Variants in CHPT1 observed in about 807,000 individuals in gnomAD.
CHPT1 encodes cholinephosphotransferase 1.
Under a neutral mutation model 47.6 loss-of-function variants are expected in CHPT1, and 36 were observed. The ratio of observed to expected loss-of-function variants is 0.76; its 90% CI spans 0.58 to 1.00. The LOEUF is 1.00. Ranked by LOEUF, CHPT1 falls within the 50% of genes least tolerant of loss-of-function variation. The probability of loss-of-function intolerance (pLI) is 0.00; values close to 1 mark genes in which losing one functional copy is unlikely to be tolerated. For missense variants in CHPT1, 458 were observed against 498.1 expected (o/e 0.92, Z 0.77); for synonymous variants, 194 against 186.3 (o/e 1.04, Z -0.33).
At position 101,723,229 on chromosome 12, in the gene CHPT1, T is replaced by G; in HGVS notation, c.842T>G (p.Ile281Ser). The G allele has an allele frequency of 3.7e-6, 6 of 1,611,966 alleles. No homozygotes were observed. The highest frequency in any genetic ancestry group is 5.1e-6 in the Non-Finnish European group (6 of 1,178,142). ...IGLIIILAIM[I>S]YKKSATDVFE... ...CTAATTATTATACTGGCAATAATGA[T>G]CTATAAAAAGTCAGCAACTGATGTG... Residue 281 changes from isoleucine to serine, a missense_variant, in exon 6 of 9, where the codon ATC (isoleucine) becomes AGC (serine). Physicochemically the swap from Ile to Ser is moderately radical, Grantham distance 142. Transcript: ENST00000229266.
Position 101,697,852 on chromosome 12 carries a change from T to A in CHPT1, c.-10T>A, listed in dbSNP as rs1445401899. ...GCGCTCGGTGGCGGCGGCGGGGCCC[T>A]CAGGCGGCCATGGCGGCAGGCGCCG... On this transcript the variant is annotated 5_prime_UTR_variant, in exon 1 of 9. Transcript: ENST00000229266. 9.0e-7 allele frequency: 1 copy of A among 1,116,538 alleles called. No individual in the cohort carries two copies. Among genetic ancestry groups the A allele is most frequent in the Non-Finnish European group, 1.1e-6 (1 of 909,848 alleles). 69.2% of individuals were successfully genotyped at this position (1,116,538 alleles called of 1,614,324 possible).
intron 1 of CHPT1, among the ~76,000 whole-genome samples, chr12:101,698,345 G>A (rs1951497103): frequency 6.6e-6 from 1 of 152,188 alleles, no homozygotes; most frequent in African/African-American, 2.4e-5. Flanking sequence ...AGCCTCCCCT[G>A]GGCAGCGGAG....
At chr12:101,701,237 T>G (rs540364855) in intron 1 of CHPT1, among the ~76,000 whole-genome samples, 3 of 152,204 alleles carry the variant, frequency 2.0e-5, no homozygotes, top group Non-Finnish European at 4.4e-5. Flanking sequence ...TCCCTCTCTT[T>G]TCCCCTTCCT....
At position 101,720,261 on chromosome 12, in the gene CHPT1, CAAT is replaced by C. The variant is rs768344938; in HGVS notation, c.780+11_780+13del. ...GAATGGATCCACTATAGCAGTAAGGCAATAATTTCATCATTCAGTGTCAATTTT... is the reference window on the plus strand; with the variant it reads ...GAATGGATCCACTATAGCAGTAAGGCAATTTCATCATTCAGTGTCAATTTT... On this transcript the variant is annotated splice_region_variant and intron_variant, in intron 5 of 8. Transcript: ENST00000229266. 2 of 1,583,576 alleles carry C rather than the reference CAAT, an allele frequency of 1.3e-6. No individual in the cohort carries two copies. The highest frequency in any genetic ancestry group is 2.4e-5 in the South Asian group (2 of 84,530).
At position 101,728,967 on chromosome 12, in the gene CHPT1, ATCTCTTGC is replaced by A; in HGVS notation, c.*24_*31del. ...TTGAAGAGACTTCCGAACACTTGCT[ATCTCTTGC>A]TGCTGCTGTTTCATGGAAGGAGATA... is the stretch of plus-strand genomic sequence containing the variant. On this transcript the variant is annotated 3_prime_UTR_variant, in exon 9 of 9. Transcript: ENST00000229266. 1 of 1,613,566 alleles carries A rather than the reference ATCTCTTGC, an allele frequency of 6.2e-7. No individual in the cohort carries two copies. The highest frequency in any genetic ancestry group is 8.5e-7 in the Non-Finnish European group (1 of 1,179,694).
intron 1 of CHPT1, among the ~76,000 whole-genome samples, chr12:101,704,450 G>C (rs1375688741): frequency 6.8e-6 from 1 of 146,726 alleles, no homozygotes; most frequent in East Asian, 2.0e-4. Context: ...TGCCCAGGCT[G>C]GAGTGCAGTG....
At chr12:101,714,336 A>G (rs1248391759) in intron 2 of CHPT1, 99 bp downstream of exon 2, 2 of 1,222,108 alleles carry the variant, frequency 1.6e-6, no homozygotes, top group Admixed American at 5.0e-5. Context: ...TTTGGGAGCA[A>G]ATGTATGGAG....
At position 101,728,689 on chromosome 12, in the gene CHPT1, A is replaced by T. The variant is rs1191379211; in HGVS notation, c.1177-212A>T. 3 of 537,254 alleles carry T rather than the reference A, an allele frequency of 5.6e-6. No individual in the cohort carries two copies. The African/African-American group carries it at 5.7e-5, about 10-fold the overall frequency. The allele number at this position is 537,254 out of a possible 1,614,324, so 33.3% of individuals were successfully genotyped here. On this transcript the variant is annotated intron_variant, in intron 8 of 8. Coordinates refer to ENST00000229266, the MANE Select transcript of CHPT1 (RefSeq NM_020244.3). ...TTATTTAATTGACAGTGTTAGAGAG[A>T]AAAATTCACTATCATTACTAAAGAG...
chr12:101,706,123 G>C (rs888492762), intron 1 of CHPT1, among the ~76,000 whole-genome samples: 1 of 151,920 alleles, frequency 6.6e-6, no homozygotes, highest in African/African-American at 2.4e-5. Context: ...AGGCCTAGGT[G>C]GGTGGATCTC....
chr12:101,702,650 T>C (rs892478655), intron 1 of CHPT1, among the ~76,000 whole-genome samples: 4 of 152,128 alleles, frequency 2.6e-5, no homozygotes, highest in Admixed American at 1.3e-4. Context: ...CAGACTTTTT[T>C]TTATAGGTTT....
chr12:101,714,458 A>AAATTATTTTT, intron 2 of CHPT1, 46 bp from the exon 3 acceptor site: 1 of 1,504,418 alleles, frequency 6.6e-7, no homozygotes, highest in Non-Finnish European at 9.0e-7. Flanking sequence ...ATTATTTCAT[A>AAATTATTTTT]AATTATTTTT....
intron 3 of CHPT1, 40 bp from the exon 4 acceptor site, chr12:101,716,688 T>C (rs866358127): frequency 1.5e-6 from 2 of 1,352,018 alleles, no homozygotes; most frequent in South Asian, 2.6e-5. Context: ...AGGAATTTTA[T>C]TTACAAACAC....
chr12:101,713,680 G>A (rs1014116502), intron 1 of CHPT1, among the ~76,000 whole-genome samples: 2 of 132,074 alleles, frequency 1.5e-5, no homozygotes, highest in African/African-American at 5.1e-5. Flanking sequence ...TATAAGGTGG[G>A]AGAGCAAATC....
chr12:101,726,651 T>G (rs574767198), intron 8 of CHPT1: 4 of 481,696 alleles, frequency 8.3e-6, no homozygotes, highest in African/African-American at 7.7e-5. Flanking sequence ...GAAACAAGAC[T>G]AAAGAAATGT....
chr12:101,723,018 GC>G (rs1951880439), intron 5 of CHPT1, 149 bp from the exon 6 acceptor site: 26 of 625,074 alleles, frequency 4.2e-5, no homozygotes, highest in South Asian at 2.2e-4. Context: ...ACCTTGGAAA[GC>G]ACAACTCAGG....
chr12:101,714,768 G>A (rs910374455), intron 3 of CHPT1, 123 bp downstream of exon 3: 29 of 975,830 alleles, frequency 3.0e-5, no homozygotes, highest in Admixed American at 2.6e-4. Context: ...TTAATTCGTC[G>A]GAGTACTCAT....
intron 1 of CHPT1, among the ~76,000 whole-genome samples, chr12:101,710,358 G>T (rs1320629331): frequency 6.7e-6 from 1 of 148,730 alleles, no homozygotes; most frequent in Non-Finnish European, 1.5e-5. Flanking sequence ...AACAAAAAAA[G>T]GAAAGAAAAG....
At chr12:101,715,808 C>T (rs983948891) in intron 3 of CHPT1, among the ~76,000 whole-genome samples, 10 of 151,956 alleles carry the variant, frequency 6.6e-5, no homozygotes, top group Non-Finnish European at 1.5e-4. Flanking sequence ...TAGGAAGGAG[C>T]GTGAGAAGAG....
rs547771072 is a variant in CHPT1, at chr12:101,719,942, TA to T, written c.649-171del. On this transcript the variant is annotated intron_variant, in intron 4 of 8. Coordinates refer to ENST00000229266, the MANE Select transcript of CHPT1 (RefSeq NM_020244.3). ...CAAAAAATAATAAAAATTTAAAAACTAAAAAAAAAAGTTAAAAAAAAGTTTT... is the reference window on the plus strand; with the variant it reads ...CAAAAAATAATAAAAATTTAAAAACTAAAAAAAAAGTTAAAAAAAAGTTTT... The T allele has an allele frequency of 5.8e-3, 1,806 of 312,120 alleles. 3 individuals are homozygous for T. Among genetic ancestry groups the T allele is most frequent in the Non-Finnish European group, 6.7e-3 (1,277 of 191,978 alleles). 19.3% of individuals were successfully genotyped at this position (312,120 alleles called of 1,614,324 possible).
Sources: allele counts gnomAD v4.1 joint callset (sites outside exome capture counted in the v4.1 genomes callset), GRCh38; gene constraint gnomAD v4.1.1; transcripts MANE v1.5; gene names NCBI Gene and HGNC (gene_info 2026-07-23, HGNC 2026-07-21).